The following DACH2 variants were observed in gnomAD, a reference collection of about 807,000 sequenced individuals.
The protein encoded by DACH2 is dachshund family transcription factor 2.
Under a neutral mutation model 35.8 loss-of-function variants are expected in DACH2, and 17 were observed. The ratio of observed to expected loss-of-function variants is 0.48; its 90% CI spans 0.33 to 0.71. DACH2 has a LOEUF of 0.71. DACH2 is among the 30% of genes least tolerant of loss of function. The pLI, the probability that DACH2 is intolerant of heterozygous loss-of-function variation, is 0.02. For missense variants in DACH2, 469 were observed against 472.7 expected, an observed-to-expected ratio of 0.99 and a Z score of 0.07; for synonymous variants, 195 against 177.3, an observed-to-expected ratio of 1.10 and a Z score of -0.79.
At chrX:86,580,217 T>G (rs1468513033) in intron 3 of DACH2, among the ~76,000 whole-genome samples, 3 of 111,615 alleles carry the variant, frequency 2.7e-5, no homozygotes, top group Non-Finnish European at 5.6e-5. Context: ...AAGATAACAT[T>G]TTTAAAATCC....
intron 2 of DACH2, among the ~76,000 whole-genome samples, chrX:86,434,470 T>G (rs980605173): frequency 8.9e-6 from 1 of 112,352 alleles, no homozygotes; most frequent in Non-Finnish European, 1.9e-5. Flanking sequence ...CTTCTCTTGA[T>G]GGCTCATTTC....
chrX:86,520,754 G>T (rs1271662624), intron 3 of DACH2, among the ~76,000 whole-genome samples: 1 of 111,666 alleles, frequency 9.0e-6, no homozygotes, highest in Non-Finnish European at 1.9e-5. Context: ...TTGCTTGGTA[G>T]ATTTTTCTCC....
intron 1 of DACH2, among the ~76,000 whole-genome samples, chrX:86,286,806 C>A (rs774885340): frequency 8.9e-6 from 1 of 111,959 alleles, no homozygotes; most frequent in East Asian, 2.8e-4. Context: ...TTAGTTGTTT[C>A]TATTTAAATC....
rs780635223 is a variant in DACH2 at position 86,454,049 on chromosome X, C to T, written c.528-60230C>T. On this transcript the variant is annotated intron_variant, in intron 2 of 11. Transcript: ENST00000373125. ...CCTTTGCTTATGAAGCTTAGTTTGG[C>T]TAGATATGAAATTCTGGGTTAGAAA... 2.2e-3 allele frequency among the ~76,000 whole-genome samples: 247 copies of T among 111,326 alleles called. 1 individual carries two copies. The highest frequency in any genetic ancestry group is 3.8e-3 in the Non-Finnish European group (203 of 53,015).
At chrX:86,494,188 A>G (rs2038134328) in intron 2 of DACH2, among the ~76,000 whole-genome samples, 1 of 112,435 alleles carries the variant, frequency 8.9e-6, no homozygotes, top group Non-Finnish European at 1.9e-5. Flanking sequence ...AGGAAGATGT[A>G]GCTATGACAT....
At chrX:86,635,328 TAAA>T (rs77223425) in intron 3 of DACH2, among the ~76,000 whole-genome samples, 7,009 of 86,128 alleles carry the variant, frequency 0.081, 441 homozygotes, top group African/African-American at 0.21. Flanking sequence ...TCCATAGTGT[TAAA>T]AAAAAAAAAA....
chrX:86,370,490 T>C (rs1042180189), intron 1 of DACH2, among the ~76,000 whole-genome samples: 2 of 111,471 alleles, frequency 1.8e-5, no homozygotes, highest in Non-Finnish European at 3.8e-5. Flanking sequence ...AGACATGAAA[T>C]ATAAATAGTG....
rs1291312067 is a variant in DACH2, at chrX:86,354,112, C to T, written c.489-22712C>T. On this transcript the variant is annotated intron_variant, in intron 1 of 11. Transcript: ENST00000373125. ...ATCAGAGAAATGCAAATCAAAACCA[C>T]TATGAGATATCATCTCACACCAGTT... 1.3e-4 allele frequency among the ~76,000 whole-genome samples: 4 copies of T among 31,920 alleles called. 1 individual carries two copies. Among genetic ancestry groups the T allele is most frequent in the Non-Finnish European group, 2.0e-4 (4 of 20,278 alleles). 27.7% of individuals were successfully genotyped at this position (31,920 alleles called of 115,157 possible).
In DACH2 at chrX:86,717,652, G is replaced by A. The variant is rs1216737294; in HGVS notation, c.1104+2932G>A. On this transcript the variant is annotated intron_variant, in intron 6 of 11. Transcript: ENST00000373125. ...TTTCCCATGATTTTGAAACTGGATG[G>A]CTATTAAGAAAATATGACAACACAA... Among the ~76,000 whole-genome samples the A allele has an allele frequency of 4.7e-5, 5 of 106,716 alleles. No individual in the cohort carries two copies. The East Asian group carries it at 8.7e-4, about 19-fold the overall frequency. The allele number at this position is 106,716 out of a possible 115,157, so 92.7% of individuals were successfully genotyped here.
At chrX:86,491,859 G>A (rs1340270236) in intron 2 of DACH2, among the ~76,000 whole-genome samples, 6 of 111,380 alleles carry the variant, frequency 5.4e-5, no homozygotes, top group Non-Finnish European at 1.1e-4. Context: ...TATTAATCAG[G>A]AAGATGAGGG....
chrX:86,793,234 T>C (rs903012767), intron 7 of DACH2, among the ~76,000 whole-genome samples: 1 of 109,977 alleles, frequency 9.1e-6, no homozygotes, highest in African/African-American at 3.3e-5. Flanking sequence ...TTTTTTGGGT[T>C]TTTTTTTGCT....
At chrX:86,534,304 T>C (rs1207101757) in intron 3 of DACH2, among the ~76,000 whole-genome samples, 1 of 112,030 alleles carries the variant, frequency 8.9e-6, no homozygotes, top group African/African-American at 3.2e-5. Flanking sequence ...CATTTGTATT[T>C]GTCTAGACAG....
chrX:86,635,328 T>TA (rs77223425), intron 3 of DACH2, among the ~76,000 whole-genome samples: 4,814 of 86,131 alleles, frequency 0.056, 150 homozygotes, highest in Admixed American at 0.086. Context: ...TCCATAGTGT[T>TA]AAAAAAAAAA....
chrX:86,172,468 C>T (rs769585433), intron 1 of DACH2, among the ~76,000 whole-genome samples: 1 of 111,961 alleles, frequency 8.9e-6, no homozygotes, highest in Non-Finnish European at 1.9e-5. Flanking sequence ...TGAGGTTATT[C>T]TCACAACAAT....
intron 4 of DACH2, among the ~76,000 whole-genome samples, chrX:86,672,185 G>A (rs1031137121): frequency 8.9e-6 from 1 of 111,988 alleles, no homozygotes; most frequent in South Asian, 3.7e-4. Context: ...ATATGTGTGA[G>A]CAAAGACACA....
intron 4 of DACH2, among the ~76,000 whole-genome samples, chrX:86,653,110 A>G (rs1349872049): frequency 8.9e-6 from 1 of 111,814 alleles, no homozygotes; most frequent in Non-Finnish European, 1.9e-5. Context: ...ATTTTTGTAT[A>G]TGCTGTAAAG....
intron 2 of DACH2, among the ~76,000 whole-genome samples, chrX:86,463,824 T>A (rs2037616593): frequency 9.1e-6 from 1 of 110,403 alleles, no homozygotes; most frequent in Admixed American, 9.7e-5. Flanking sequence ...TAAACAAATT[T>A]ACAAGAAAAA....
intron 4 of DACH2, among the ~76,000 whole-genome samples, chrX:86,658,384 G>GT (rs2040567196): frequency 9.0e-6 from 1 of 111,519 alleles, no homozygotes; most frequent in African/African-American, 3.3e-5. Flanking sequence ...AATAGAGTCA[G>GT]TATCATTAAG....
intron 3 of DACH2, among the ~76,000 whole-genome samples, chrX:86,601,166 G>T (rs956955163): frequency 1.8e-5 from 2 of 111,231 alleles, no homozygotes; most frequent in Admixed American, 1.9e-4. Flanking sequence ...TTTGAAAGTC[G>T]TATTAATGGA....
Sources: gnomAD v4.1 joint callset for allele counts (sites outside exome capture counted in the v4.1 genomes callset) on GRCh38, gnomAD v4.1.1 for gene constraint, MANE v1.5 for transcripts, NCBI Gene and HGNC (gene_info 2026-07-23, HGNC 2026-07-21) for gene names.